SRGAP3: variants seen among roughly 807,000 people sequenced by gnomAD.
SRGAP3 encodes the protein SLIT-ROBO Rho GTPase-activating protein 3.
A neutral mutation model predicts 121.1 loss-of-function variants in SRGAP3; 39 were observed. That is an observed-to-expected ratio of 0.32 (90% CI 0.25 to 0.42). The LOEUF (loss-of-function observed/expected upper bound fraction) is 0.42, where lower values mean the gene tolerates loss of function less well. Ranked by LOEUF, SRGAP3 falls within the 10% of genes least tolerant of loss-of-function variation. SRGAP3 has a pLI of 1.00. For synonymous variants in SRGAP3, 601 were observed against 570.0 expected, an observed-to-expected ratio of 1.05 and a Z score of -0.77; for missense variants, 1,213 against 1,470.6, an observed-to-expected ratio of 0.82 and a Z score of 2.86.
chr3:9,047,293 G>T, intron 10 of SRGAP3, 98 bp downstream of exon 10: 2 of 1,259,346 alleles, frequency 1.6e-6, no homozygotes, highest in Non-Finnish European at 2.3e-6. Flanking sequence ...CCAGGTGCCT[G>T]CTGTCTCAAG....
chr3:9,232,119 C>T (rs1203441727), intron 1 of SRGAP3, among the ~76,000 whole-genome samples: 1 of 152,174 alleles, frequency 6.6e-6, no homozygotes, highest in Admixed American at 6.5e-5. Flanking sequence ...TAAAATATTA[C>T]GTTTCATTTC....
At chr3:9,177,913 C>A (rs920068457) in intron 1 of SRGAP3, among the ~76,000 whole-genome samples, 1 of 152,166 alleles carries the variant, frequency 6.6e-6, no homozygotes, top group African/African-American at 2.4e-5. Context: ...GCACCTGCCC[C>A]AGGACCTCTG....
intron 1 of SRGAP3, among the ~76,000 whole-genome samples, chr3:9,202,033 A>T (rs750172190): frequency 6.7e-6 from 1 of 150,098 alleles, no homozygotes; most frequent in Non-Finnish European, 1.5e-5. Flanking sequence ...ACTGTGCCAC[A>T]GTGAAGCCGG....
At chr3:9,149,455 C>T (rs1272013173) in intron 1 of SRGAP3, among the ~76,000 whole-genome samples, 1 of 152,174 alleles carries the variant, frequency 6.6e-6, no homozygotes, top group Non-Finnish European at 1.5e-5. Context: ...CATGTGTCTA[C>T]AATTCCTTTC....
chr3:9,291,351 T>C (rs1047429807), intron 3 of SRGAP3, among the ~76,000 whole-genome samples: 2 of 152,148 alleles, frequency 1.3e-5, no homozygotes, highest in East Asian at 1.9e-4. Flanking sequence ...TTTAAGGAGA[T>C]AAGGTATCAC....
chr3:9,062,947 A>G (rs1448314035), intron 5 of SRGAP3, among the ~76,000 whole-genome samples: 1 of 152,176 alleles, frequency 6.6e-6, no homozygotes, highest in Non-Finnish European at 1.5e-5. Flanking sequence ...ACTGCTTTCC[A>G]AAGTGATAGA....
At chr3:9,095,033 A>G (rs895673629) in intron 3 of SRGAP3, among the ~76,000 whole-genome samples, 1 of 152,114 alleles carries the variant, frequency 6.6e-6, no homozygotes, top group Admixed American at 6.6e-5. Context: ...AAGTGCTGAG[A>G]TTACAGGTGT....
intron 1 of SRGAP3, among the ~76,000 whole-genome samples, chr3:9,345,340 T>C (rs978855446): frequency 6.7e-6 from 1 of 150,024 alleles, no homozygotes; most frequent in Non-Finnish European, 1.5e-5. Context: ...AAAATAAAAA[T>C]AAACAGCCAG....
chr3:9,095,793 T>A (rs993215665), intron 3 of SRGAP3, among the ~76,000 whole-genome samples: 1 of 152,024 alleles, frequency 6.6e-6, no homozygotes, highest in African/African-American at 2.4e-5. Flanking sequence ...CCTTGCGAGG[T>A]ACAGTGGCTC....
chr3:8,983,997 G>A lies in SRGAP3; in HGVS notation c.*1522C>T. 8.7e-6 allele frequency: 2 copies of A among 231,114 alleles called. No homozygotes were observed. The highest frequency in any genetic ancestry group is 1.7e-5 in the Non-Finnish European group (2 of 116,678). The allele number at this position is 231,114 out of a possible 1,614,324, so 14.3% of individuals were successfully genotyped here. A position where few individuals can be genotyped will look rare whatever the true frequency, so the allele number is the denominator to read the frequency against. ...CCACAGGGCACACAGATTTGCCCGTGTGCCATTATCCAGAAACAGCTCATC... is the reference window on the plus strand; with the variant it reads ...CCACAGGGCACACAGATTTGCCCGTATGCCATTATCCAGAAACAGCTCATC... On this transcript the variant is annotated 3_prime_UTR_variant, in exon 22 of 22. Transcript: ENST00000383836.
At chr3:9,294,547 A>C (rs1954919268) in intron 3 of SRGAP3, among the ~76,000 whole-genome samples, 2 of 83,608 alleles carry the variant, frequency 2.4e-5, no homozygotes. Context: ...ACAAACAAAC[A>C]AACAAAAAAA....
At chr3:9,024,119 A>T (rs1004433976) in intron 14 of SRGAP3, among the ~76,000 whole-genome samples, 1 of 152,224 alleles carries the variant, frequency 6.6e-6, no homozygotes, top group African/African-American at 2.4e-5. Context: ...CTCAGAGTAC[A>T]GCCAACAGGG....
At chr3:9,005,512 T>C (rs1943021703) in intron 18 of SRGAP3, among the ~76,000 whole-genome samples, 1 of 152,142 alleles carries the variant, frequency 6.6e-6, no homozygotes, top group Non-Finnish European at 1.5e-5. Flanking sequence ...AGCTGAAAAG[T>C]AGAAACAACC....
chr3:9,303,204 T>C (rs1229957186), intron 3 of SRGAP3, among the ~76,000 whole-genome samples: 1 of 152,036 alleles, frequency 6.6e-6, no homozygotes, highest in Non-Finnish European at 1.5e-5. Flanking sequence ...GCGGGCAGAT[T>C]ACTTGAGGCC....
At chr3:9,147,682 G>A (rs1207554515) in intron 1 of SRGAP3, among the ~76,000 whole-genome samples, 3 of 152,192 alleles carry the variant, frequency 2.0e-5, no homozygotes, top group East Asian at 1.9e-4. Flanking sequence ...CAATGTGCTC[G>A]CAGCAAGAAG....
In SRGAP3 at chr3:9,356,210, T is replaced by TTG. The variant is rs1553581808; in HGVS notation, n.214+6628_214+6629dup. 4.3e-3 allele frequency among the ~76,000 whole-genome samples: 599 copies of TTG among 139,824 alleles called. 15 individuals are homozygous for TTG. Among genetic ancestry groups the TTG allele is most frequent in the African/African-American group, 0.014 (475 of 34,674 alleles). The allele number at this position is 139,824 out of a possible 152,430, so 91.7% of individuals were successfully genotyped here. The stretch of plus-strand genomic sequence containing the variant: ...TTTTTTTCTTTTTTTTTTTTTTTTT[T>TTG]TGAGACAGGATCTCACTGTCACCCA... On this transcript the variant is annotated intron_variant and non_coding_transcript_variant, in intron 1 of 3. Transcript: ENST00000490889.
chr3:9,068,845 C>A (rs1232619153), intron 4 of SRGAP3, among the ~76,000 whole-genome samples: 2 of 152,142 alleles, frequency 1.3e-5, no homozygotes, highest in African/African-American at 4.8e-5. Context: ...TTTCCCTAAT[C>A]CTGGGAGGTA....
rs1387108145 is a variant in SRGAP3, at chr3:8,985,907, G to A, written c.2912C>T (p.Ala971Val). 3 of 1,599,656 alleles carry A rather than the reference G, an allele frequency of 1.9e-6. No individual in the cohort carries two copies. Among genetic ancestry groups the A allele is most frequent in the Admixed American group, 1.7e-5 (1 of 60,006 alleles). Reference sequence around the variant, plus strand: ...CTCGAGTTCCCGCAACTCGTGCAGAGCCGTGCTCATGGTCTTCTCGATGTC... The same window carrying A: ...CTCGAGTTCCCGCAACTCGTGCAGAACCGTGCTCATGGTCTTCTCGATGTC... ...AEDIEKTMST[A>V]LHELRELERQ... Residue 971 changes from alanine to valine, a missense_variant, in exon 22 of 22, where the codon GCT becomes GTT. By Grantham distance (64) the Ala-to-Val change is moderately conservative (BLOSUM62 0). Around this residue, in one of 2 missense-constraint regions of SRGAP3, gnomAD observed 420 missense variants for 437.7 expected, o/e 0.96. Transcript: ENST00000383836. This position sits in a 1 kb window ranked among gnomAD's most constrained non-coding sequence, Gnocchi z 5.1.
chr3:9,259,385 C>A (rs982096182), intron 3 of SRGAP3, among the ~76,000 whole-genome samples: 3 of 152,102 alleles, frequency 2.0e-5, no homozygotes, highest in Admixed American at 1.3e-4. Flanking sequence ...CTCAAGCGAT[C>A]CTCCCCTTTC....
Sources: gnomAD v4.1 joint callset for allele counts (sites outside exome capture counted in the v4.1 genomes callset) on GRCh38, gnomAD v4.1.1 for gene constraint, gnomAD v4.1.1 regional missense constraint, Gnocchi (gnomAD v3.1) non-coding constraint, MANE v1.5 for transcripts, NCBI Gene and HGNC (gene_info 2026-07-23, HGNC 2026-07-21) for gene names.